ZNF827: variants seen among roughly 807,000 people sequenced by gnomAD.
The protein encoded by ZNF827 is zinc finger protein 827.
Under a neutral mutation model 102.4 loss-of-function variants are expected in ZNF827, and 13 were observed. The observed-to-expected ratio is 0.13, with a 90% confidence interval of 0.08 to 0.20. ZNF827 has a LOEUF of 0.20. Ranked by LOEUF, ZNF827 falls within the 10% of genes least tolerant of loss-of-function variation. The pLI is 1.00. For synonymous variants in ZNF827, 523 were observed against 536.2 expected (o/e 0.98, Z 0.34); for missense variants, 1,103 against 1,344.4 (o/e 0.82, Z 2.81).
chr4:145,838,105 C>G (rs977174363), intron 7 of ZNF827, among the ~76,000 whole-genome samples: 1 of 152,164 alleles, frequency 6.6e-6, no homozygotes, highest in East Asian at 1.9e-4. Flanking sequence ...GTGACTTGCA[C>G]GTATATGCCC....
At chr4:145,904,592 C>T (rs1751680563) in intron 1 of ZNF827, among the ~76,000 whole-genome samples, 1 of 152,152 alleles carries the variant, frequency 6.6e-6, no homozygotes, top group African/African-American at 2.4e-5. Flanking sequence ...CTGGCACGCC[C>T]ATGGAACAGC....
intron 9 of ZNF827, among the ~76,000 whole-genome samples, chr4:145,778,837 T>C (rs1737515657): frequency 6.6e-6 from 1 of 152,230 alleles, no homozygotes; most frequent in African/African-American, 2.4e-5. Flanking sequence ...TTACTACTGA[T>C]TTTACCTTAT....
At chr4:145,901,229 G>C (rs1181520414) in intron 2 of ZNF827, among the ~76,000 whole-genome samples, 1 of 152,196 alleles carries the variant, frequency 6.6e-6, no homozygotes, top group Non-Finnish European at 1.5e-5. Context: ...CGATGAGGAT[G>C]CACATAGCCT....
At position 145,777,344 on chromosome 4, in the gene ZNF827, T is replaced by G. The variant is rs973200959; in HGVS notation, c.2522-1384A>C. 4.6e-5 allele frequency among the ~76,000 whole-genome samples: 7 copies of G among 152,240 alleles called. No homozygotes were observed. The South Asian group carries it at 1.0e-3, about 23-fold the overall frequency. The stretch of plus-strand genomic sequence containing the variant: ...GAGCTTTTTAAATCTTTTTCTATCA[T>G]TTGGAAAGGTTTAATAACATTGGAA... On this transcript the variant is annotated intron_variant, in intron 9 of 14. Transcript: ENST00000508784.
At chr4:145,841,305 T>G (rs1238499942) in intron 7 of ZNF827, among the ~76,000 whole-genome samples, 1 of 152,180 alleles carries the variant, frequency 6.6e-6, no homozygotes, top group Admixed American at 6.5e-5. Flanking sequence ...TCTGGCTGGG[T>G]GATGGTCCAT....
intron 5 of ZNF827, among the ~76,000 whole-genome samples, chr4:145,862,102 G>A (rs375004356): frequency 1.1e-4 from 16 of 152,314 alleles, no homozygotes; most frequent in African/African-American, 3.4e-4. Flanking sequence ...TCAGGTGTAC[G>A]GGTTTGAGGA....
intron 2 of ZNF827, 101 bp from the exon 3 acceptor site, chr4:145,892,516 G>T (rs1302749838): frequency 2.4e-6 from 3 of 1,275,028 alleles, no homozygotes; most frequent in East Asian, 5.0e-5. Context: ...CACTAAAAAT[G>T]ATTTGGGTTT....
intron 1 of ZNF827, among the ~76,000 whole-genome samples, chr4:145,928,306 G>A (rs1208865604): frequency 2.0e-5 from 3 of 152,148 alleles, no homozygotes; most frequent in Non-Finnish European, 2.9e-5. Context: ...TCCACTCTGG[G>A]TCAATTCAAC....
intron 1 of ZNF827, among the ~76,000 whole-genome samples, chr4:145,915,840 T>G (rs1402158179): frequency 6.6e-6 from 1 of 152,198 alleles, no homozygotes; most frequent in Non-Finnish European, 1.5e-5. Flanking sequence ...TTAAACAAGT[T>G]ATCCACTTCC....
chr4:145,767,828 A>G lies in ZNF827; in HGVS notation c.2861-2090T>C, dbSNP rs557138563. Among the ~76,000 whole-genome samples the G allele has an allele frequency of 1.1e-4, 16 of 152,334 alleles. No homozygotes were observed. In the East Asian group the frequency reaches 2.1e-3, roughly 20 times the overall value. ...ATTAAAACAAATGAAGGAATTCATCACCAGCAGACCTGAATTACAAGAAAT... is the reference window on the plus strand; with the variant it reads ...ATTAAAACAAATGAAGGAATTCATCGCCAGCAGACCTGAATTACAAGAAAT... On this transcript the variant is annotated intron_variant, in intron 11 of 14. Coordinates refer to ENST00000508784, the MANE Select transcript of ZNF827 (RefSeq NM_001306215.2).
At chr4:145,914,843 C>G (rs1752558998) in intron 1 of ZNF827, among the ~76,000 whole-genome samples, 1 of 152,162 alleles carries the variant, frequency 6.6e-6, no homozygotes, top group Non-Finnish European at 1.5e-5. Context: ...GAGGGCTTTT[C>G]TAGATTTTTC....
chr4:145,785,410 T>C (rs1738705847), intron 8 of ZNF827, among the ~76,000 whole-genome samples: 1 of 152,322 alleles, frequency 6.6e-6, no homozygotes, highest in East Asian at 1.9e-4. Context: ...GAAGGAGTTC[T>C]ATCAAAATCT....
chr4:145,782,228 G>A (rs150902943), intron 8 of ZNF827, among the ~76,000 whole-genome samples: 1 of 152,336 alleles, frequency 6.6e-6, no homozygotes, highest in East Asian at 1.9e-4. Flanking sequence ...AGGCCATTTG[G>A]AGTCTTATCC....
intron 8 of ZNF827, among the ~76,000 whole-genome samples, chr4:145,821,794 C>T (rs971468925): frequency 1.8e-4 from 28 of 152,232 alleles, no homozygotes; most frequent in African/African-American, 6.3e-4. Flanking sequence ...AAGCAAATCA[C>T]GGAAAACCCC....
rs1734157736 is a variant in ZNF827 at position 145,758,780 on chromosome 4, A to C, written c.*2836T>G. On this transcript the variant is annotated 3_prime_UTR_variant, in exon 15 of 15. Transcript: ENST00000508784. ...TGGGAGCTTCCCGCTCCCTGTGGGC[A>C]TCTCCTTAGTGTAAACAGGTTTGCC... 6.6e-6 allele frequency: 1 copy of C among 152,182 alleles called. No homozygotes were observed. The highest frequency in any genetic ancestry group is 2.4e-5 in the African/African-American group (1 of 41,448). 9.4% of individuals were successfully genotyped at this position (152,182 alleles called of 1,614,324 possible).
In ZNF827 at chr4:145,758,997, A is replaced by T. The variant is rs983490428; in HGVS notation, c.*2619T>A. On this transcript the variant is annotated 3_prime_UTR_variant, in exon 15 of 15. Coordinates refer to ENST00000508784, the MANE Select transcript of ZNF827 (RefSeq NM_001306215.2). ...AGGGAGCTTTCAGCAAAGCAAACTG[A>T]CTAGAGGAAGAACATTAGGGATGCT... is the stretch of plus-strand genomic sequence containing the variant. 6.6e-6 allele frequency: 1 copy of T among 152,248 alleles called. No individual in the cohort carries two copies. Among genetic ancestry groups the T allele is most frequent in the South Asian group, 2.1e-4 (1 of 4,830 alleles). 9.4% of individuals were successfully genotyped at this position (152,248 alleles called of 1,614,324 possible).
At chr4:145,811,244 C>A (rs138014144) in intron 8 of ZNF827, among the ~76,000 whole-genome samples, 1 of 152,284 alleles carries the variant, frequency 6.6e-6, no homozygotes, top group East Asian at 1.9e-4. Flanking sequence ...GTTTGGCCTG[C>A]CTCGCCTCCC....
At chr4:145,874,128 T>C (rs1748949814) in intron 4 of ZNF827, among the ~76,000 whole-genome samples, 1 of 151,928 alleles carries the variant, frequency 6.6e-6, no homozygotes, top group Non-Finnish European at 1.5e-5. Flanking sequence ...TTAGTCAGAG[T>C]ATATGCTATA....
chr4:145,815,538 A>G (rs1428465834), intron 8 of ZNF827, among the ~76,000 whole-genome samples: 5 of 152,196 alleles, frequency 3.3e-5, no homozygotes, highest in African/African-American at 9.7e-5. Flanking sequence ...TGTTTGAATG[A>G]AAATAGATGG....
Sources: gnomAD v4.1 joint callset for allele counts (sites outside exome capture counted in the v4.1 genomes callset) on GRCh38, gnomAD v4.1.1 for gene constraint, MANE v1.5 for transcripts, NCBI Gene and HGNC (gene_info 2026-07-23, HGNC 2026-07-21) for gene names.